Variants in TMPRSS7 observed in about 807,000 individuals in gnomAD.
TMPRSS7 encodes the protein transmembrane protease serine 7.
A neutral mutation model predicts 95.6 loss-of-function variants in TMPRSS7; 81 were observed. The ratio of observed to expected loss-of-function variants is 0.85; its 90% CI spans 0.71 to 1.02. The LOEUF (loss-of-function observed/expected upper bound fraction) is 1.02, where lower values mean the gene tolerates loss of function less well. Among genes scored for constraint, TMPRSS7 ranks in the 50% least tolerant of loss-of-function variants. TMPRSS7 has a pLI of 0.00. For missense variants in TMPRSS7, 945 were observed against 955.2 expected (o/e 0.99, Z 0.14); for synonymous variants, 364 against 337.8 (o/e 1.08, Z -0.85).
chr3:112,076,002 G>C (rs1170052526), intron 15 of TMPRSS7, among the ~76,000 whole-genome samples: 1 of 151,970 alleles, frequency 6.6e-6, no homozygotes. Context: ...TACACAGTTT[G>C]GATATTTGTT....
intron 10 of TMPRSS7, 144 bp downstream of exon 10, chr3:112,057,275 G>T (rs1002413778): frequency 3.3e-6 from 2 of 610,618 alleles, no homozygotes; most frequent in Non-Finnish European, 5.7e-6. Flanking sequence ...CTTGCTCAAG[G>T]CCATGCAGCT....
intron 13 of TMPRSS7, among the ~76,000 whole-genome samples, chr3:112,069,745 A>G (rs145788237): frequency 0.076 from 11,592 of 152,098 alleles, 634 homozygotes; most frequent in Non-Finnish European, 0.11. Context: ...CTAGCGGTCT[A>G]TCAATTTTGT....
intron 3 of TMPRSS7, chr3:112,043,113 CTTAACAATGGAG>C (rs1400740788): frequency 6.6e-6 from 3 of 455,778 alleles, no homozygotes; most frequent in African/African-American, 2.0e-5. Context: ...TCCTGTGTCG[CTTAACAATGGAG>C]ATACTGTTGT....
exon 4 of TMPRSS7, chr3:112,044,292 T>G: frequency 6.4e-7 from 1 of 1,551,430 alleles, no homozygotes; most frequent in Non-Finnish European, 8.7e-7. Flanking sequence ...TTCTCCAAAT[T>G]TTATGAGCAG....
At chr3:112,058,423 T>G (rs2073458857) in intron 10 of TMPRSS7, among the ~76,000 whole-genome samples, 2 of 152,208 alleles carry the variant, frequency 1.3e-5, no homozygotes, top group African/African-American at 4.8e-5. Flanking sequence ...ATTATTTAAC[T>G]TCTTTGAGTT....
At chr3:112,051,543 C>G (rs2073350253) in intron 9 of TMPRSS7, among the ~76,000 whole-genome samples, 1 of 150,924 alleles carries the variant, frequency 6.6e-6, no homozygotes, top group Non-Finnish European at 1.5e-5. Flanking sequence ...ATCTATCTAT[C>G]TATCTATCTA....
chr3:112,066,264 G>A, intron 12 of TMPRSS7, 128 bp from the exon 13 acceptor site: 3 of 709,714 alleles, frequency 4.2e-6, no homozygotes. Flanking sequence ...TCAGTTTTGA[G>A]GAAAATACAC....
In TMPRSS7 at chr3:112,034,902, A is replaced by G. The variant is rs776968423; in HGVS notation, c.48+9A>G. On this transcript the variant is annotated intron_variant, in intron 1 of 17. Transcript: ENST00000452346. Reference sequence around the variant, plus strand: ...CACCTGCTGACCTGAAAGTAAGTACAGGGTGAGAAACTTTCTCTTACTTGA... The same window carrying G: ...CACCTGCTGACCTGAAAGTAAGTACGGGGTGAGAAACTTTCTCTTACTTGA... The G allele has an allele frequency of 7.4e-5, 52 of 702,814 alleles. No homozygotes were observed. The highest frequency in any genetic ancestry group is 1.2e-4 in the Non-Finnish European group (46 of 384,928). The allele number at this position is 702,814 out of a possible 1,614,324, so 43.5% of individuals were successfully genotyped here. A position where few individuals can be genotyped will look rare whatever the true frequency, so the allele number is the denominator to read the frequency against.
At chr3:112,055,464 C>CACACACAT (rs1461091622) in intron 9 of TMPRSS7, among the ~76,000 whole-genome samples, 12 of 151,306 alleles carry the variant, frequency 7.9e-5, no homozygotes, top group African/African-American at 2.9e-4. Context: ...GACACACACA[C>CACACACAT]AGACACACAC....
intron 13 of TMPRSS7, among the ~76,000 whole-genome samples, chr3:112,072,903 A>C (rs1183413608): frequency 1.3e-5 from 2 of 152,228 alleles, no homozygotes; most frequent in African/African-American, 4.8e-5. Flanking sequence ...TATAGTAGCA[A>C]GATTTATAAT....
chr3:112,047,933 T>G (rs766956726), exon 7 of TMPRSS7: 2 of 1,613,916 alleles, frequency 1.2e-6, no homozygotes, highest in Non-Finnish European at 1.7e-6. Context: ...CATTTACGAC[T>G]CCCTTTTGCC....
intron 15 of TMPRSS7, among the ~76,000 whole-genome samples, chr3:112,075,928 A>G (rs894020397): frequency 1.3e-5 from 2 of 152,154 alleles, no homozygotes. Flanking sequence ...AATCTACTGA[A>G]TCTTAGGTTA....
intron 6 of TMPRSS7, 150 bp downstream of exon 6, chr3:112,047,162 G>T: frequency 3.2e-6 from 2 of 632,824 alleles, no homozygotes; most frequent in Admixed American, 2.5e-5. Flanking sequence ...AAAGAAACTT[G>T]ACTGGCTCAT....
chr3:112,037,041 C>T (rs191749458), intron 1 of TMPRSS7, among the ~76,000 whole-genome samples: 15 of 152,192 alleles, frequency 9.9e-5, no homozygotes, highest in East Asian at 9.6e-4. Context: ...GTGATGATTG[C>T]GTTAACTGCA....
At chr3:112,055,959 A>AGGCAG (rs1191130653) in intron 9 of TMPRSS7, among the ~76,000 whole-genome samples, 1 of 152,224 alleles carries the variant, frequency 6.6e-6, no homozygotes, top group Non-Finnish European at 1.5e-5. Flanking sequence ...TTGGAGGCTG[A>AGGCAG]GGCAGGTGGA....
intron 16 of TMPRSS7, among the ~76,000 whole-genome samples, chr3:112,078,264 G>C (rs2073737052): frequency 6.6e-6 from 1 of 152,200 alleles, no homozygotes; most frequent in South Asian, 2.1e-4. Context: ...GGGTATGTGT[G>C]TGTACACTTA....
exon 15 of TMPRSS7, chr3:112,075,341 G>T: frequency 7.0e-7 from 1 of 1,431,492 alleles, no homozygotes; most frequent in Non-Finnish European, 9.2e-7. Flanking sequence ...GAGTTCCTCC[G>T]CCCTTCACCG....
intron 3 of TMPRSS7, among the ~76,000 whole-genome samples, chr3:112,043,775 A>G (rs2073240780): frequency 6.6e-6 from 1 of 152,170 alleles, no homozygotes; most frequent in African/African-American, 2.4e-5. Flanking sequence ...GCGCTTCCCT[A>G]GAGTTTGTTA....
intron 3 of TMPRSS7, chr3:112,042,854 A>G (rs2073226388): frequency 2.9e-6 from 1 of 344,822 alleles, no homozygotes; most frequent in Non-Finnish European, 5.9e-6. Context: ...GACAAATAGA[A>G]AAGTATCTAT....
Sources: gnomAD v4.1 joint callset for allele counts (sites outside exome capture counted in the v4.1 genomes callset) on GRCh38, gnomAD v4.1.1 for gene constraint, MANE v1.5 for transcripts, NCBI Gene and HGNC (gene_info 2026-07-23, HGNC 2026-07-21) for gene names.